HNF1B: variants seen among roughly 807,000 people sequenced by gnomAD.
HNF1B encodes the protein HNF1 homeobox B.
A neutral mutation model predicts 61.7 loss-of-function variants in HNF1B; 8 were observed. That is an observed-to-expected ratio of 0.13 (90% CI 0.08 to 0.23). The LOEUF (loss-of-function observed/expected upper bound fraction) is 0.23, where lower values mean the gene tolerates loss of function less well. Among genes scored for constraint, HNF1B ranks in the 10% least tolerant of loss-of-function variants. HNF1B has a pLI of 1.00. For synonymous variants in HNF1B, 314 were observed against 287.7 expected, an observed-to-expected ratio of 1.09 and a Z score of -0.93; for missense variants, 562 against 714.5, an observed-to-expected ratio of 0.79 and a Z score of 2.43.
chr17:37,744,487 G>T (rs1467025755), intron 1 of HNF1B, 54 bp downstream of exon 1: 2 of 1,576,104 alleles, frequency 1.3e-6, no homozygotes, highest in African/African-American at 2.7e-5. Context: ...CTCAGGCCCG[G>T]GGCCGGGGCT....
At chr17:37,704,562 T>C (rs1000786214) in intron 6 of HNF1B, among the ~76,000 whole-genome samples, 1 of 152,220 alleles carries the variant, frequency 6.6e-6, no homozygotes, top group African/African-American at 2.4e-5. Flanking sequence ...GTTATACATA[T>C]TCATGCTTTA....
rs146727539 is a variant in HNF1B at position 37,692,941 on chromosome 17, A to T, written c.1654-5549T>A. Among the ~76,000 whole-genome samples the T allele has an allele frequency of 5.3e-5, 8 of 152,278 alleles. No individual in the cohort carries two copies. The East Asian group carries it at 1.3e-3, about 26-fold the overall frequency. ...TCCAGTGGCTCACACCTGTAATTCC[A>T]GCACTTTGGGAGGCAGAGGCGGGCA... On this transcript the variant is annotated intron_variant, in intron 8 of 8. Transcript: ENST00000617811.
chr17:37,723,226 A>G (rs946084105), intron 4 of HNF1B, among the ~76,000 whole-genome samples: 8 of 151,488 alleles, frequency 5.3e-5, no homozygotes, highest in East Asian at 1.9e-4. Flanking sequence ...GGACGCCTGT[A>G]GTCCCAGCTA....
chr17:37,739,041 T>C (rs2147573321), intron 2 of HNF1B, among the ~76,000 whole-genome samples: 1 of 152,344 alleles, frequency 6.6e-6, no homozygotes, highest in East Asian at 1.9e-4. Flanking sequence ...TAATCAATAT[T>C]ATTGACTGCA....
intron 1 of HNF1B, among the ~76,000 whole-genome samples, chr17:37,741,573 T>G (rs1483151539): frequency 6.6e-6 from 1 of 152,242 alleles, no homozygotes; most frequent in African/African-American, 2.4e-5. Flanking sequence ...TTTAAAAGTT[T>G]ATTTCTGGTC....
intron 2 of HNF1B, among the ~76,000 whole-genome samples, chr17:37,735,546 G>A (rs563615614): frequency 3.5e-4 from 53 of 152,286 alleles, no homozygotes; most frequent in Admixed American, 1.4e-3. Context: ...GCCCAACAAT[G>A]CCACTATAGA....
chr17:37,698,763 C>T (rs537332533), intron 8 of HNF1B, among the ~76,000 whole-genome samples: 88 of 152,276 alleles, frequency 5.8e-4, no homozygotes, highest in African/African-American at 1.9e-3. Flanking sequence ...TTTCCATGGA[C>T]CATTGATCAT....
chr17:37,724,901 T>C (rs956821504), intron 4 of HNF1B, among the ~76,000 whole-genome samples: 1 of 59,578 alleles, frequency 1.7e-5, no homozygotes, highest in Non-Finnish European at 2.9e-5. Flanking sequence ...TCTATATGTA[T>C]GCGTGTGTGT....
At chr17:37,739,337 T>A in intron 2 of HNF1B, 103 bp downstream of exon 2, 1 of 1,058,038 alleles carries the variant, frequency 9.5e-7, no homozygotes, top group Non-Finnish European at 1.5e-6. Flanking sequence ...ATCTGCCAAG[T>A]GCTCACAAGG....
intron 4 of HNF1B, among the ~76,000 whole-genome samples, chr17:37,726,485 C>T (rs889710677): frequency 6.6e-6 from 1 of 152,174 alleles, no homozygotes; most frequent in Non-Finnish European, 1.5e-5. Flanking sequence ...TGAGTCACTA[C>T]CTTGCCACTG....
At chr17:37,735,171 A>G (rs2033797678) in intron 2 of HNF1B, among the ~76,000 whole-genome samples, 1 of 152,152 alleles carries the variant, frequency 6.6e-6, no homozygotes, top group African/African-American at 2.4e-5. Context: ...TTTGTGATGT[A>G]AATGATGTGC....
chr17:37,701,523 A>C (rs1005137090), intron 6 of HNF1B, among the ~76,000 whole-genome samples: 10 of 152,222 alleles, frequency 6.6e-5, no homozygotes, highest in African/African-American at 2.4e-4. Flanking sequence ...CCAGGCTGTG[A>C]GAGAGGCTTG....
chr17:37,716,956 C>T (rs186359897), intron 4 of HNF1B, among the ~76,000 whole-genome samples: 1 of 152,006 alleles, frequency 6.6e-6, no homozygotes, highest in East Asian at 1.9e-4. Context: ...GTGAAAGGGG[C>T]ACACAGATAT....
At chr17:37,699,703 G>A (rs2032501576) in intron 7 of HNF1B, among the ~76,000 whole-genome samples, 4 of 152,214 alleles carry the variant, frequency 2.6e-5, no homozygotes, top group Non-Finnish European at 5.9e-5. Flanking sequence ...CCAGGCTCTG[G>A]GAGGAAGGGA....
intron 5 of HNF1B, among the ~76,000 whole-genome samples, 189 bp from the exon 6 acceptor site, chr17:37,705,238 G>A (rs925401511): frequency 6.6e-6 from 1 of 152,182 alleles, no homozygotes; most frequent in Admixed American, 6.5e-5. Context: ...GGGAAGCCAA[G>A]ACAGGAGGAC....
At chr17:37,741,055 T>A (rs2147581625) in intron 1 of HNF1B, among the ~76,000 whole-genome samples, 1 of 152,260 alleles carries the variant, frequency 6.6e-6, no homozygotes, top group Middle Eastern at 3.4e-3. Flanking sequence ...ACCCCATTAC[T>A]GTATGTTGAT....
At chr17:37,693,211 AAAG>A (rs1489125229) in intron 8 of HNF1B, among the ~76,000 whole-genome samples, 3 of 151,022 alleles carry the variant, frequency 2.0e-5, no homozygotes, top group African/African-American at 7.3e-5. Flanking sequence ...AAAAAAAAAA[AAAG>A]AGTCACTGGA....
chr17:37,699,893 C>T (rs906874160), intron 7 of HNF1B, among the ~76,000 whole-genome samples: 7 of 152,180 alleles, frequency 4.6e-5, no homozygotes, highest in African/African-American at 9.7e-5. Context: ...ACAGCTTATC[C>T]GATGCAGCTA....
At chr17:37,714,305 C>G (rs1182828468) in intron 4 of HNF1B, among the ~76,000 whole-genome samples, 1 of 152,208 alleles carries the variant, frequency 6.6e-6, no homozygotes, top group Admixed American at 6.5e-5. Flanking sequence ...TATTGAGCAC[C>G]TACCATGTGC....
Sources: allele counts gnomAD v4.1 joint callset (sites outside exome capture counted in the v4.1 genomes callset), GRCh38; gene constraint gnomAD v4.1.1; transcripts MANE v1.5; gene names NCBI Gene and HGNC (gene_info 2026-07-23, HGNC 2026-07-21).